Variants in KNTC1 observed in about 807,000 individuals in gnomAD.
KNTC1 encodes kinetochore-associated protein 1.
A neutral mutation model predicts 314.4 loss-of-function variants in KNTC1; 253 were observed. The ratio of observed to expected loss-of-function variants is 0.80; its 90% CI spans 0.73 to 0.89. KNTC1 has a LOEUF of 0.89. Ranked by LOEUF, KNTC1 falls within the 40% of genes least tolerant of loss-of-function variation. The probability of loss-of-function intolerance (pLI) is 0.00; values close to 1 mark genes in which losing one functional copy is unlikely to be tolerated. For synonymous variants in KNTC1, 901 were observed against 901.4 expected (o/e 1.00, Z 0.01); for missense variants, 2,475 against 2,572.9 (o/e 0.96, Z 0.82).
intron 52 of KNTC1, among the ~76,000 whole-genome samples, chr12:122,609,892 A>G (rs1228544084): frequency 6.6e-6 from 1 of 152,162 alleles, no homozygotes; most frequent in African/African-American, 2.4e-5. Context: ...AGAAGACTCT[A>G]TCTGGGCTCA....
chr12:122,584,237 A>G (rs775822836), intron 34 of KNTC1, 41 bp from the exon 35 acceptor site: 42 of 1,462,128 alleles, frequency 2.9e-5, no homozygotes, highest in Admixed American at 2.1e-4. Flanking sequence ...TTCACTTTCA[A>G]TGTGAGTATT....
chr12:122,537,824 G>T (rs1019160567), intron 3 of KNTC1, among the ~76,000 whole-genome samples: 6 of 152,050 alleles, frequency 3.9e-5, no homozygotes, highest in African/African-American at 1.4e-4. Context: ...TTACCATATA[G>T]TAAGTGCTCA....
At chr12:122,588,954 G>A in intron 40 of KNTC1, 138 bp downstream of exon 40, 2 of 459,992 alleles carry the variant, frequency 4.3e-6, no homozygotes, top group South Asian at 1.3e-4. Context: ...CTGTCTTATA[G>A]CTAATCAATT....
rs868594837 is a variant in KNTC1, at chr12:122,548,069, T to C, written c.987+100T>C. 1.1e-5 allele frequency: 7 copies of C among 624,202 alleles called. No individual in the cohort carries two copies. In the Middle Eastern group the frequency reaches 2.0e-3, roughly 179 times the overall value. The allele number at this position is 624,202 out of a possible 1,614,324, so 38.7% of individuals were successfully genotyped here. A position where few individuals can be genotyped will look rare whatever the true frequency, so the allele number is the denominator to read the frequency against. Reference sequence around the variant, plus strand: ...TTAAATAGTACAGCATATTAGCTCTTAGTTCACACAGAAACTTGACAATCA... The same window carrying C: ...TTAAATAGTACAGCATATTAGCTCTCAGTTCACACAGAAACTTGACAATCA... On this transcript the variant is annotated intron_variant, in intron 12 of 63. Coordinates refer to ENST00000333479, the MANE Select transcript of KNTC1 (RefSeq NM_014708.6).
At chr12:122,560,194 C>G (rs1214624677) in intron 18 of KNTC1, among the ~76,000 whole-genome samples, 2 of 152,080 alleles carry the variant, frequency 1.3e-5, no homozygotes, top group Non-Finnish European at 2.9e-5. Context: ...GAATTTCTTT[C>G]TTTTTTGTTT....
chr12:122,583,340 G>T (rs1024162248), intron 34 of KNTC1, among the ~76,000 whole-genome samples: 4 of 152,068 alleles, frequency 2.6e-5, no homozygotes, highest in African/African-American at 7.2e-5. Flanking sequence ...CAGTCATAAG[G>T]GTAGGGCCAG....
intron 2 of KNTC1, among the ~76,000 whole-genome samples, chr12:122,530,453 T>C (rs1416010772): frequency 7.1e-6 from 1 of 140,534 alleles, no homozygotes; most frequent in Non-Finnish European, 1.6e-5. Flanking sequence ...AAAGGATATC[T>C]TTTTTTTTTT....
At chr12:122,601,986 T>A (rs1871985174) in intron 45 of KNTC1, 1 of 159,032 alleles carries the variant, frequency 6.3e-6, no homozygotes. Context: ...CTCTGTGTAT[T>A]AATGGGTAGG....
At chr12:122,624,468 A>G (rs1401292954) in intron 62 of KNTC1, 130 bp from the exon 63 acceptor site, 12 of 573,214 alleles carry the variant, frequency 2.1e-5, no homozygotes, top group Admixed American at 3.0e-5. Context: ...GGGCTTTGCC[A>G]TGTTGCCCAG....
At chr12:122,565,851 C>T (rs1482524390) in intron 20 of KNTC1, among the ~76,000 whole-genome samples, 2 of 151,972 alleles carry the variant, frequency 1.3e-5, no homozygotes, top group Non-Finnish European at 2.9e-5. Flanking sequence ...TGCCACTGCA[C>T]TCCAGCCTGG....
chr12:122,596,532 TA>T (rs1218125628), intron 43 of KNTC1, among the ~76,000 whole-genome samples: 42 of 141,004 alleles, frequency 3.0e-4, no homozygotes, highest in Admixed American at 5.0e-4. Context: ...TTTTTATCTT[TA>T]AAAAAAAAAA....
Position 122,604,958 on chromosome 12 carries a change from A to G in KNTC1, c.5257A>G (p.Ile1753Val). ...GCGATCGGGCACAGAAGCTGTGCTC[A>G]TAGCCCACAAGCTGAACACTGAGGA... ...YRRSGTEAVL[I>V]AHKLNTEEYL... The change falls in exon 50 of 64, where the codon ATA (isoleucine) becomes GTA (valine). Residue 1753 changes from isoleucine to valine, a missense_variant. Coordinates refer to ENST00000333479, the MANE Select transcript of KNTC1 (RefSeq NM_014708.6). 2 of 1,612,324 alleles carry G rather than the reference A, an allele frequency of 1.2e-6. No homozygotes were observed. Among genetic ancestry groups the G allele is most frequent in the East Asian group, 2.2e-5 (1 of 44,876 alleles).
At chr12:122,575,706 T>C (rs1964970545) in intron 28 of KNTC1, 60 bp downstream of exon 28, 16 of 1,475,782 alleles carry the variant, frequency 1.1e-5, no homozygotes, top group Non-Finnish European at 1.5e-5. Flanking sequence ...GTGTTTTGAG[T>C]TGACGTTCAT....
chr12:122,601,513 GAT>G (rs1304384123), intron 44 of KNTC1, 21 bp from the exon 45 acceptor site: 1 of 1,503,976 alleles, frequency 6.6e-7, no homozygotes, highest in Non-Finnish European at 8.9e-7. Context: ...ATCAAGTTTT[GAT>G]ATATTTTTGT....
At chr12:122,541,291 T>TGCCTGCCTGCCTG (rs745323270) in intron 5 of KNTC1, among the ~76,000 whole-genome samples, 3 of 59,414 alleles carry the variant, frequency 5.0e-5, no homozygotes, top group African/African-American at 1.5e-4. Context: ...CTGCCTGCCT[T>TGCCTGCCTGCCTG]CCTTCCTTCC....
In KNTC1 at chr12:122,582,979, A is replaced by C. The variant is rs1234974852; in HGVS notation, c.3257A>C (p.Lys1086Thr). ...GGGAACATCAAAACAGCACTGAAAAAATGCAGGTGACATTCCAGATCCCTG... is the reference window on the plus strand; with the variant it reads ...GGGAACATCAAAACAGCACTGAAAACATGCAGGTGACATTCCAGATCCCTG... Reference protein sequence around the residue: ...KDGNIKTALKKCSDLFKYHCN... With the variant: ...KDGNIKTALKTCSDLFKYHCN... The change falls in exon 34 of 64, where the codon AAA becomes ACA. Residue 1086 changes from lysine (K) to threonine (T), a missense_variant. By Grantham distance (78) the Lys-to-Thr change is moderately conservative. Coordinates refer to ENST00000333479, the MANE Select transcript of KNTC1 (RefSeq NM_014708.6). 6.2e-7 allele frequency: 1 copy of C among 1,604,318 alleles called. No individual in the cohort carries two copies. The highest frequency in any genetic ancestry group is 1.7e-4 in the Middle Eastern group (1 of 6,028).
At chr12:122,602,541 T>C (rs1872069078) in intron 45 of KNTC1, 28 bp from the exon 46 acceptor site, 1 of 1,474,386 alleles carries the variant, frequency 6.8e-7, no homozygotes, top group Non-Finnish European at 9.3e-7. Flanking sequence ...TTACTCTTAC[T>C]GGACAAAAGT....
chr12:122,626,347 C>A lies in KNTC1; in HGVS notation c.*119C>A. The A allele has an allele frequency of 1.4e-6, 1 of 696,312 alleles. No homozygotes were observed. The highest frequency in any genetic ancestry group is 1.7e-5 in the South Asian group (1 of 57,748). The allele number at this position is 696,312 out of a possible 1,614,324, so 43.1% of individuals were successfully genotyped here. A position where few individuals can be genotyped will look rare whatever the true frequency, so the allele number is the denominator to read the frequency against. ...TATTATAGCTATTTGTCTAACATTA[C>A]CCCACATGTAATAAATAAAACAATA... On this transcript the variant is annotated 3_prime_UTR_variant, in exon 64 of 64. Coordinates refer to ENST00000333479, the MANE Select transcript of KNTC1 (RefSeq NM_014708.6).
Position 122,580,657 on chromosome 12 carries a change from T to C in KNTC1, c.2969T>C (p.Val990Ala). 4 of 1,565,408 alleles carry C rather than the reference T, an allele frequency of 2.6e-6. No homozygotes were observed. The highest frequency in any genetic ancestry group is 3.5e-6 in the Non-Finnish European group (4 of 1,151,834). ...GAAATGTTGAAACTATTTAAAGAGGTTGCTAGCTTACAGGTAAACATATTG... is the reference window on the plus strand; with the variant it reads ...GAAATGTTGAAACTATTTAAAGAGGCTGCTAGCTTACAGGTAAACATATTG... ...CEEMLKLFKEVASLQENFEVF... is the reference protein window; with the variant it reads ...CEEMLKLFKEAASLQENFEVF... Residue 990 changes from valine to alanine, a missense_variant, in exon 33 of 64, where the codon GTT (valine) becomes GCT (alanine). Coordinates refer to ENST00000333479, the MANE Select transcript of KNTC1 (RefSeq NM_014708.6).
Sources: allele counts gnomAD v4.1 joint callset (sites outside exome capture counted in the v4.1 genomes callset), GRCh38; gene constraint gnomAD v4.1.1; transcripts MANE v1.5; gene names NCBI Gene and HGNC (gene_info 2026-07-23, HGNC 2026-07-21).